DLG2: variants seen among roughly 807,000 people sequenced by gnomAD.
DLG2 encodes the protein disks large homolog 2.
Under a neutral mutation model 132.5 loss-of-function variants are expected in DLG2, and 45 were observed. That is an observed-to-expected ratio of 0.34 (90% CI 0.27 to 0.44). The LOEUF is 0.44. DLG2 is among the 20% of genes least tolerant of loss of function. The pLI, the probability that DLG2 is intolerant of heterozygous loss-of-function variation, is 1.00. For missense variants in DLG2, 1,045 were observed against 1,196.9 expected, an observed-to-expected ratio of 0.87 and a Z score of 1.87; for synonymous variants, 424 against 419.6, an observed-to-expected ratio of 1.01 and a Z score of -0.13.
chr11:84,969,739 T>A (rs2053811151), intron 6 of DLG2, among the ~76,000 whole-genome samples: 1 of 152,108 alleles, frequency 6.6e-6, no homozygotes, highest in Non-Finnish European at 1.5e-5. Flanking sequence ...TGCAGCAGTG[T>A]TCACAATATC....
intron 9 of DLG2, among the ~76,000 whole-genome samples, chr11:84,143,661 C>T (rs1050386685): frequency 7.2e-5 from 11 of 152,208 alleles, no homozygotes; most frequent in African/African-American, 2.6e-4. Flanking sequence ...TGCTCAAATG[C>T]TTGAAATAAT....
chr11:85,333,610 C>T (rs568336442), intron 3 of DLG2, among the ~76,000 whole-genome samples: 8 of 151,872 alleles, frequency 5.3e-5, no homozygotes, highest in Non-Finnish European at 1.2e-4. Context: ...TCCTTTGATG[C>T]CTATTTGTTA....
intron 4 of DLG2, among the ~76,000 whole-genome samples, chr11:85,199,225 G>A (rs200610295): frequency 6.6e-6 from 1 of 152,124 alleles, no homozygotes; most frequent in Non-Finnish European, 1.5e-5. Flanking sequence ...AAAAAGGAAT[G>A]TAACCACTAA....
intron 18 of DLG2, among the ~76,000 whole-genome samples, chr11:83,649,642 C>T (rs1463435870): frequency 2.0e-5 from 3 of 152,182 alleles, no homozygotes; most frequent in Admixed American, 6.5e-5. Flanking sequence ...TGTTTTACAT[C>T]GAAAGTGCTG....
intron 9 of DLG2, among the ~76,000 whole-genome samples, chr11:84,104,315 C>A (rs1301084313): frequency 3.3e-5 from 5 of 151,978 alleles, no homozygotes; most frequent in Non-Finnish European, 7.4e-5. Context: ...CTAAGTAATG[C>A]AGAAACAGAA....
intron 6 of DLG2, among the ~76,000 whole-genome samples, chr11:85,049,780 A>T (rs2062712695): frequency 6.6e-6 from 1 of 152,092 alleles, no homozygotes; most frequent in Admixed American, 6.6e-5. Context: ...GAGTTCTAGG[A>T]AAGCTTTCCA....
chr11:84,241,430 G>A (rs2097223063), intron 8 of DLG2, among the ~76,000 whole-genome samples: 1 of 152,308 alleles, frequency 6.6e-6, no homozygotes, highest in African/African-American at 2.4e-5. Flanking sequence ...CCTAGAAGAA[G>A]CATAATTTAA....
chr11:83,794,786 T>G (rs1052391588), intron 17 of DLG2, among the ~76,000 whole-genome samples: 1 of 152,172 alleles, frequency 6.6e-6, no homozygotes, highest in African/African-American at 2.4e-5. Context: ...TCTAAAATAA[T>G]GTAACTAATA....
chr11:84,155,547 C>T (rs78531562), intron 9 of DLG2, among the ~76,000 whole-genome samples: 1,848 of 151,440 alleles, frequency 0.012, 35 homozygotes, highest in African/African-American at 0.043. Flanking sequence ...AAAGGGTCTG[C>T]CCCTGGAAAT....
chr11:83,875,672 CTATT>C (rs1294407235), intron 15 of DLG2, among the ~76,000 whole-genome samples: 1 of 152,134 alleles, frequency 6.6e-6, no homozygotes, highest in African/African-American at 2.4e-5. Flanking sequence ...GGTTGAAACA[CTATT>C]TACATATACA....
intron 5 of DLG2, among the ~76,000 whole-genome samples, chr11:85,136,016 A>G (rs1341181880): frequency 1.3e-5 from 2 of 152,172 alleles, no homozygotes; most frequent in Admixed American, 6.5e-5. Flanking sequence ...AAGTTAGGAG[A>G]AAAGAGAATT....
chr11:83,561,873 G>A (rs1460903778), intron 19 of DLG2, among the ~76,000 whole-genome samples: 1 of 137,458 alleles, frequency 7.3e-6, no homozygotes, highest in Non-Finnish European at 1.6e-5. Context: ...GTTTGACTTA[G>A]TATTTCTTTC....
chr11:84,817,796 A>C (rs2077231972), intron 6 of DLG2, among the ~76,000 whole-genome samples: 1 of 151,976 alleles, frequency 6.6e-6, no homozygotes. Flanking sequence ...CTTAGATGGG[A>C]GGAATTTCCC....
intron 11 of DLG2, among the ~76,000 whole-genome samples, chr11:84,057,695 A>C: frequency 6.6e-6 from 1 of 152,168 alleles, no homozygotes; most frequent in Non-Finnish European, 1.5e-5. Flanking sequence ...ATATGTAGCT[A>C]ATTTTGTTGG....
chr11:84,141,645 C>G (rs1295694416), intron 9 of DLG2, among the ~76,000 whole-genome samples: 1 of 147,222 alleles, frequency 6.8e-6, no homozygotes, highest in African/African-American at 2.7e-5. Flanking sequence ...TCAAAGTGAA[C>G]AGGAGCCAAG....
At chr11:85,245,460 C>A (rs1231344227) in intron 4 of DLG2, among the ~76,000 whole-genome samples, 2 of 151,890 alleles carry the variant, frequency 1.3e-5, no homozygotes, top group African/African-American at 4.8e-5. Flanking sequence ...ACTTTACCTT[C>A]AGAATATATT....
intron 11 of DLG2, among the ~76,000 whole-genome samples, chr11:84,041,547 G>C (rs1186716707): frequency 6.6e-6 from 1 of 151,790 alleles, no homozygotes; most frequent in Non-Finnish European, 1.5e-5. Context: ...TTATGAATAA[G>C]GCTGAACATT....
intron 11 of DLG2, among the ~76,000 whole-genome samples, chr11:83,986,671 C>T (rs545305493): frequency 4.6e-5 from 7 of 152,050 alleles, no homozygotes; most frequent in Admixed American, 1.3e-4. Context: ...TTTACACTCC[C>T]ACCGACAGTG....
At position 83,546,144 on chromosome 11, in the gene DLG2, G is replaced by T. The variant is rs182063962; in HGVS notation, c.1941-4286C>A. 6.6e-5 allele frequency among the ~76,000 whole-genome samples: 10 copies of T among 152,202 alleles called. No homozygotes were observed. In the East Asian group the frequency reaches 1.9e-3, roughly 29 times the overall value. On this transcript the variant is annotated intron_variant, in intron 19 of 27. Transcript: ENST00000376104. The stretch of plus-strand genomic sequence containing the variant: ...TGCCAACTGGGGAAGTCTAGTAAGG[G>T]AAGAGTGAAGCAGCTGCTCATCCTC...
Sources: allele counts gnomAD v4.1 joint callset (sites outside exome capture counted in the v4.1 genomes callset), GRCh38; gene constraint gnomAD v4.1.1; transcripts MANE v1.5; gene names NCBI Gene and HGNC (gene_info 2026-07-23, HGNC 2026-07-21).